Variants in NCKAP1 observed in about 807,000 individuals in gnomAD.
The protein encoded by NCKAP1 is nck-associated protein 1.
In NCKAP1, 21 loss-of-function variants were observed where a neutral mutation model predicts 151.2. The observed-to-expected ratio is 0.14, with a 90% CI of 0.10 to 0.20. The LOEUF is 0.20. Among genes scored for constraint, NCKAP1 ranks in the 10% least tolerant of loss-of-function variants. The pLI, the probability that NCKAP1 is intolerant of heterozygous loss-of-function variation, is 1.00. For synonymous variants in NCKAP1, 484 were observed against 451.8 expected (o/e 1.07, Z -0.90); for missense variants, 933 against 1,352.1 (o/e 0.69, Z 4.86).
At chr2:182,955,548 T>C (rs1267579993) in intron 20 of NCKAP1, among the ~76,000 whole-genome samples, 1 of 152,180 alleles carries the variant, frequency 6.6e-6, no homozygotes, top group Non-Finnish European at 1.5e-5. Flanking sequence ...TAATTAGAAT[T>C]GAGAATTCAA....
At chr2:182,938,753 T>C (rs1696932475) in intron 24 of NCKAP1, among the ~76,000 whole-genome samples, 1 of 152,188 alleles carries the variant, frequency 6.6e-6, no homozygotes, top group Admixed American at 6.5e-5. Context: ...CTCAAGGGTA[T>C]GACAGCATAA....
In NCKAP1 at chr2:182,926,916, T is replaced by TA. The variant is rs750408229; in HGVS notation, c.3181-12dup. 47 of 1,551,700 alleles carry TA rather than the reference T, an allele frequency of 3.0e-5. No homozygotes were observed. The highest frequency in any genetic ancestry group is 3.9e-5 in the Non-Finnish European group (44 of 1,131,538). ...ACTGGAGGATGCAAGCTTAAAAGTA[T>TA]ACATACACATAAAGTGAGTTTGTTA... On this transcript the variant is annotated splice_polypyrimidine_tract_variant and intron_variant, in intron 29 of 30. Coordinates refer to ENST00000361354, the MANE Select transcript of NCKAP1 (RefSeq NM_013436.5).
chr2:182,930,916 C>T (rs1696750365), intron 26 of NCKAP1, 128 bp from the exon 27 acceptor site: 21 of 696,288 alleles, frequency 3.0e-5, no homozygotes, highest in Non-Finnish European at 4.0e-5. Context: ...GCAGAAACTA[C>T]AGCAAAACTA....
intron 1 of NCKAP1, 87 bp from the exon 2 acceptor site, chr2:183,024,003 ATATT>A: frequency 1.9e-6 from 2 of 1,046,972 alleles, no homozygotes; most frequent in Non-Finnish European, 2.9e-6. Flanking sequence ...AATTAAAGAG[ATATT>A]TATTGTTTTT....
chr2:182,989,798 G>C (rs966093023), intron 8 of NCKAP1, among the ~76,000 whole-genome samples: 4 of 151,860 alleles, frequency 2.6e-5, no homozygotes. Context: ...TTAGGAGTTC[G>C]AGACCAGCCT....
intron 23 of NCKAP1, among the ~76,000 whole-genome samples, chr2:182,944,656 A>G (rs935130537): frequency 6.6e-6 from 1 of 152,264 alleles, no homozygotes; most frequent in South Asian, 2.1e-4. Flanking sequence ...TTCTTTAATT[A>G]GCACACAAAT....
Position 182,952,639 on chromosome 2 carries a change from T to A in NCKAP1, c.2504-137A>T, listed in dbSNP as rs1323917933. 1.6e-5 allele frequency: 18 copies of A among 1,113,064 alleles called. No homozygotes were observed. The East Asian group carries it at 4.4e-4, about 27-fold the overall frequency. 68.9% of individuals were successfully genotyped at this position (1,113,064 alleles called of 1,614,324 possible). ...AAAGTCTCTAGAGTGAAAGAGAGAA[T>A]ACAAAATGCAAAAGTAATTCTAAGA... is the stretch of plus-strand genomic sequence containing the variant. On this transcript the variant is annotated intron_variant, in intron 22 of 30. Coordinates refer to ENST00000361354, the MANE Select transcript of NCKAP1 (RefSeq NM_013436.5).
At chr2:182,992,929 G>C (rs145467244) in intron 8 of NCKAP1, among the ~76,000 whole-genome samples, 1 of 151,724 alleles carries the variant, frequency 6.6e-6, no homozygotes, top group African/African-American at 2.4e-5. Flanking sequence ...TTGTTTTTCT[G>C]GTAATTCTAG....
chr2:182,953,306 T>C lies in NCKAP1; in HGVS notation c.2179A>G (p.Asn727Asp). 6.2e-7 allele frequency: 1 copy of C among 1,613,086 alleles called. No individual in the cohort carries two copies. The highest frequency in any genetic ancestry group is 1.1e-5 in the South Asian group (1 of 90,988). The change falls in exon 21 of 31, where the codon AAT (asparagine) becomes GAT (aspartate). Residue 727 changes from asparagine (N) to aspartate (D), a missense_variant. By Grantham distance (23) the Asn-to-Asp change is conservative (BLOSUM62 1). Around this residue, in one of 2 missense-constraint regions of NCKAP1, gnomAD observed 326 missense variants for 557.1 expected, o/e 0.59. Coordinates refer to ENST00000361354, the MANE Select transcript of NCKAP1 (RefSeq NM_013436.5). ...TTTGCAATTTCCTGTGTGGCTTGAT[T>C]ATACATAGTCATCCCAACAATTGAC... is the stretch of plus-strand genomic sequence containing the variant. Reference protein sequence around the residue: ...TKSIVGMTMYNQATQEIAKPS... With the variant: ...TKSIVGMTMYDQATQEIAKPS...
At chr2:182,986,270 A>G (rs530332766) in intron 9 of NCKAP1, 43 bp from the exon 10 acceptor site, 10 of 1,474,914 alleles carry the variant, frequency 6.8e-6, no homozygotes, top group South Asian at 4.6e-5. Flanking sequence ...AATTTGATCA[A>G]TAACTGTCAA....
intron 21 of NCKAP1, 28 bp from the exon 22 acceptor site, chr2:182,952,951 G>T (rs1387102230): frequency 6.3e-7 from 1 of 1,592,268 alleles, no homozygotes; most frequent in African/African-American, 1.4e-5. Context: ...CTTATAACCG[G>T]AAGAAACTGC....
chr2:182,983,961 G>T (rs2105855891), intron 10 of NCKAP1, among the ~76,000 whole-genome samples: 1 of 151,792 alleles, frequency 6.6e-6, no homozygotes, highest in South Asian at 2.1e-4. Flanking sequence ...AGCCCAGGAG[G>T]CAGAGGTTGC....
intron 24 of NCKAP1, among the ~76,000 whole-genome samples, chr2:182,936,031 A>C (rs1294939271): frequency 6.6e-6 from 1 of 152,066 alleles, no homozygotes; most frequent in Non-Finnish European, 1.5e-5. Flanking sequence ...CTGAACCGGG[A>C]AGATTGCTTG....
chr2:183,032,478 G>C (rs1699023046), intron 1 of NCKAP1, among the ~76,000 whole-genome samples: 3 of 152,138 alleles, frequency 2.0e-5, no homozygotes, highest in Admixed American at 6.5e-5. Context: ...ATGGGATATA[G>C]CCTACTGCTT....
chr2:183,002,367 C>A (rs1405094613), intron 4 of NCKAP1, 98 bp from the exon 5 acceptor site: 2 of 851,454 alleles, frequency 2.3e-6, no homozygotes, highest in Non-Finnish European at 3.4e-6. Flanking sequence ...TAATAATTTT[C>A]TGTATTTATT....
intron 1 of NCKAP1, among the ~76,000 whole-genome samples, chr2:183,029,799 G>A (rs1204581803): frequency 7.0e-6 from 1 of 142,246 alleles, no homozygotes; most frequent in African/African-American, 2.6e-5. Flanking sequence ...CTCCAGCCTA[G>A]GCAAGAGTGA....
At chr2:183,012,961 C>G (rs1035646313) in intron 2 of NCKAP1, among the ~76,000 whole-genome samples, 1 of 151,846 alleles carries the variant, frequency 6.6e-6, no homozygotes, top group East Asian at 1.9e-4. Context: ...AATGGCCCAT[C>G]ATTATAATTA....
At chr2:182,979,070 C>T (rs1001483767) in intron 13 of NCKAP1, among the ~76,000 whole-genome samples, 155 bp from the exon 14 acceptor site, 2 of 152,006 alleles carry the variant, frequency 1.3e-5, no homozygotes, top group Non-Finnish European at 2.9e-5. Context: ...CACACCATAA[C>T]ACGAATCTCA....
At chr2:182,983,164 C>A (rs1697976226) in intron 11 of NCKAP1, 122 bp downstream of exon 11, 1 of 784,396 alleles carries the variant, frequency 1.3e-6, no homozygotes, top group African/African-American at 1.8e-5. Context: ...AATTCATTCT[C>A]CACTAAATAT....
Sources: gnomAD v4.1 joint callset for allele counts (sites outside exome capture counted in the v4.1 genomes callset) on GRCh38, gnomAD v4.1.1 for gene constraint, gnomAD v4.1.1 regional missense constraint, MANE v1.5 for transcripts, NCBI Gene and HGNC (gene_info 2026-07-23, HGNC 2026-07-21) for gene names.